Variants in CNTNAP1 observed in about 807,000 individuals in gnomAD.
CNTNAP1 encodes the protein contactin-associated protein 1.
Under a neutral mutation model 161.5 loss-of-function variants are expected in CNTNAP1, and 80 were observed. The observed-to-expected ratio is 0.50, with a 90% CI of 0.41 to 0.60. CNTNAP1 has a LOEUF of 0.60. CNTNAP1 is among the 20% of genes least tolerant of loss of function. The pLI is 0.00. For missense variants in CNTNAP1, 1,464 were observed against 1,854.8 expected (o/e 0.79, Z 3.87); for synonymous variants, 695 against 733.1 (o/e 0.95, Z 0.84).
Position 42,687,208 on chromosome 17 carries a change from A to G in CNTNAP1, c.1044+162A>G. 1 of 906,456 alleles carries G rather than the reference A, an allele frequency of 1.1e-6. No homozygotes were observed. The highest frequency in any genetic ancestry group is 1.6e-6 in the Non-Finnish European group (1 of 615,052). The allele number at this position is 906,456 out of a possible 1,614,324, so 56.2% of individuals were successfully genotyped here. On this transcript the variant is annotated intron_variant, in intron 7 of 23. Coordinates refer to ENST00000264638, the MANE Select transcript of CNTNAP1 (RefSeq NM_003632.3). The surrounding 1 kb of genome is among the most constrained non-coding windows in gnomAD (Gnocchi z 4.7). ...GGGGAGCGGGTCTCACCTGAGGTGC[A>G]TGAGCCACGCAGGCCCCTAGTTAAG...
At chr17:42,683,043 C>A in intron 1 of CNTNAP1, 147 bp downstream of exon 1, 1 of 772,862 alleles carries the variant, frequency 1.3e-6, no homozygotes, top group Non-Finnish European at 2.0e-6. Flanking sequence ...TGCCTCTCCC[C>A]CGCGCTCCGC....
chr17:42,683,935 G>A lies in CNTNAP1; in HGVS notation c.169+13G>A. On this transcript the variant is annotated intron_variant, in intron 2 of 23. Coordinates refer to ENST00000264638, the MANE Select transcript of CNTNAP1 (RefSeq NM_003632.3). ...GCCAGGCTGCACGGTGAGCTCCGCG[G>A]AACATCAGCTGCCAACTGGCAGCGC... 3.7e-6 allele frequency: 6 copies of A among 1,613,870 alleles called. No individual in the cohort carries two copies. Among genetic ancestry groups the A allele is most frequent in the Non-Finnish European group, 5.1e-6 (6 of 1,179,848 alleles).
chr17:42,693,443 C>T lies in CNTNAP1; in HGVS notation c.2899C>T (p.Pro967Ser), dbSNP rs1284472986. 1.2e-6 allele frequency: 2 copies of T among 1,614,216 alleles called. No homozygotes were observed. The highest frequency in any genetic ancestry group is 3.3e-5 in the Admixed American group (2 of 60,028). The part of the protein sequence containing the change: ...CTGHCAHPRL[P>S]CFHGGRCVER... ...AGGCCACTGTGCCCACCCTCGGCTC[C>T]CCTGTTTCCATGGAGGCCGCTGCGT... Residue 967 changes from proline (P) to serine (S), a missense_variant, in exon 18 of 24, where the codon CCC (proline) becomes TCC (serine). By Grantham distance (74) the Pro-to-Ser change is moderately conservative. Around this residue, in one of 3 missense-constraint regions of CNTNAP1, gnomAD observed 1,383 missense variants for 1,765.0 expected, o/e 0.78. Coordinates refer to ENST00000264638, the MANE Select transcript of CNTNAP1 (RefSeq NM_003632.3).
rs760573556 is a variant in CNTNAP1, at chr17:42,685,919, C to T, written c.716-38C>T. 6.2e-7 allele frequency: 1 copy of T among 1,605,834 alleles called. No individual in the cohort carries two copies. The highest frequency in any genetic ancestry group is 1.7e-5 in the Admixed American group (1 of 59,646). ...GGAGCTTGGACTCCATGGAGTTCTC[C>T]TGGCTTGAGGTTTCACTCTGTCCTG... On this transcript the variant is annotated intron_variant, in intron 5 of 23. Transcript: ENST00000264638. This position sits in a 1 kb window ranked among gnomAD's most constrained non-coding sequence, Gnocchi z 5.0.
intron 18 of CNTNAP1, among the ~76,000 whole-genome samples, chr17:42,694,404 G>A (rs547905361): frequency 2.6e-5 from 4 of 151,218 alleles, no homozygotes; most frequent in African/African-American, 4.9e-5. Context: ...ACTTCTGACC[G>A]CAGGTGATCC....
At chr17:42,686,832 C>A (rs918122537) in intron 6 of CNTNAP1, 71 bp from the exon 7 acceptor site, 3 of 1,497,582 alleles carry the variant, frequency 2.0e-6, no homozygotes, top group African/African-American at 2.8e-5. Flanking sequence ...GGAAAGCATA[C>A]GGCGGGGACG....
chr17:42,697,768 A>C lies in CNTNAP1; in HGVS notation c.3783A>C (p.Pro1261=), dbSNP rs1179672320. 1 of 1,614,142 alleles carries C rather than the reference A, an allele frequency of 6.2e-7. No homozygotes were observed. Among genetic ancestry groups the C allele is most frequent in the Admixed American group, 1.7e-5 (1 of 60,010 alleles). ...GAMPRLVSEV[P]PELDPWYLPP... is the part of the protein sequence containing the mutation. ...TGCCACGTCTTGTTTCAGAGGTGCC[A>C]CCTGAGCTTGATCCCTGGTATCTGC... The change falls in exon 22 of 24, where the codon CCA becomes CCC. Residue 1261 remains proline (P), a synonymous_variant. Transcript: ENST00000264638.
At chr17:42,693,873 T>C (rs2053122872) in intron 18 of CNTNAP1, among the ~76,000 whole-genome samples, 1 of 152,178 alleles carries the variant, frequency 6.6e-6, no homozygotes, top group South Asian at 2.1e-4. Context: ...AAAATTCTTT[T>C]TTTTTTTATG....
intron 21 of CNTNAP1, 60 bp downstream of exon 21, chr17:42,697,427 T>A (rs1159390561): frequency 6.2e-6 from 10 of 1,608,402 alleles, no homozygotes; most frequent in Non-Finnish European, 7.7e-6. Context: ...TCCTGGATCC[T>A]CAAGGAAAGT....
intron 17 of CNTNAP1, 145 bp downstream of exon 17, chr17:42,692,865 G>C (rs928986662): frequency 7.4e-6 from 5 of 679,694 alleles, no homozygotes; most frequent in African/African-American, 7.2e-5. Context: ...GTCCCTCCAG[G>C]CCTTTGTATC....
chr17:42,695,503 CCCTGCTTCTA>C lies in CNTNAP1; in HGVS notation c.2993-12_2993-3del, dbSNP rs2053139569. On this transcript the variant is annotated splice_region_variant and splice_polypyrimidine_tract_variant and intron_variant, in intron 18 of 23. Coordinates refer to ENST00000264638, the MANE Select transcript of CNTNAP1 (RefSeq NM_003632.3). ...GTGAGCAGTGTGGGGGCCCTAACCT[CCCTGCTTCTA>C]CCTGCAGATATTGGTGGTTTCTTTG... is the stretch of plus-strand genomic sequence containing the variant. 1 of 1,589,520 alleles carries C rather than the reference CCCTGCTTCTA, an allele frequency of 6.3e-7. No individual in the cohort carries two copies. The highest frequency in any genetic ancestry group is 8.6e-7 in the Non-Finnish European group (1 of 1,163,048).
Position 42,682,727 on chromosome 17 carries a change from G to T in CNTNAP1, c.-103G>T. 1 of 1,187,138 alleles carries T rather than the reference G, an allele frequency of 8.4e-7. No individual in the cohort carries two copies. The allele number at this position is 1,187,138 out of a possible 1,614,324, so 73.5% of individuals were successfully genotyped here. A position where few individuals can be genotyped will look rare whatever the true frequency, so the allele number is the denominator to read the frequency against. ...AAGGGTGGGTAAGGAGGAGAGAGCG[G>T]TCTGCTGCAAACCCCAGGAGGAGAG... On this transcript the variant is annotated 5_prime_UTR_variant, in exon 1 of 24. Transcript: ENST00000264638.
At chr17:42,689,396 C>G in intron 10 of CNTNAP1, 125 bp from the exon 11 acceptor site, 2 of 716,972 alleles carry the variant, frequency 2.8e-6, no homozygotes, top group Non-Finnish European at 4.7e-6. Context: ...ACCCGGCTGG[C>G]TAGGCGGGGT....
chr17:42,686,205 G>A, intron 6 of CNTNAP1, 64 bp downstream of exon 6: 1 of 1,517,702 alleles, frequency 6.6e-7, no homozygotes, highest in Non-Finnish European at 9.1e-7. Flanking sequence ...GTGCAGGTCG[G>A]TCTCTCCCTT....
intron 18 of CNTNAP1, 98 bp from the exon 19 acceptor site, chr17:42,695,423 C>G: frequency 4.1e-6 from 4 of 978,946 alleles, no homozygotes; most frequent in Non-Finnish European, 6.2e-6. Context: ...GTGGCAGAAA[C>G]TGAAGTAAGT....
Position 42,686,083 on chromosome 17 carries a change from G to T in CNTNAP1, c.842G>T (p.Gly281Val), listed in dbSNP as rs1294987054. 6.2e-7 allele frequency: 1 copy of T among 1,614,094 alleles called. No homozygotes were observed. The highest frequency in any genetic ancestry group is 8.5e-7 in the Non-Finnish European group (1 of 1,180,042). ...FGRDVNFTLD[G>V]YVQRFILNGD... Reference sequence around the variant, plus strand: ...CGCGATGTAAATTTCACCCTGGACGGCTATGTGCAGCGCTTTATTCTCAAT... The same window carrying T: ...CGCGATGTAAATTTCACCCTGGACGTCTATGTGCAGCGCTTTATTCTCAAT... The change falls in exon 6 of 24, where the codon GGC (glycine) becomes GTC (valine). Residue 281 changes from glycine (G) to valine (V), a missense_variant. Around this residue, in one of 3 missense-constraint regions of CNTNAP1, gnomAD observed 1,383 missense variants for 1,765.0 expected, o/e 0.78. Coordinates refer to ENST00000264638, the MANE Select transcript of CNTNAP1 (RefSeq NM_003632.3).
At position 42,687,795 on chromosome 17, in the gene CNTNAP1, G is replaced by T; in HGVS notation, c.1120G>T (p.Val374Leu). 1 of 1,614,232 alleles carries T rather than the reference G, an allele frequency of 6.2e-7. No homozygotes were observed. Among genetic ancestry groups the T allele is most frequent in the Admixed American group, 1.7e-5 (1 of 60,032 alleles). ...CGGAGGCCCTCACAACTTCGTTCAA[G>T]TGCCCGGTTTCCCACGCCGTGGCCG... Reference protein sequence around the residue: ...NFGGPHNFVQVPGFPRRGRLA... With the variant: ...NFGGPHNFVQLPGFPRRGRLA... The change falls in exon 8 of 24, where the codon GTG becomes TTG. Residue 374 changes from valine to leucine, a missense_variant. Transcript: ENST00000264638. This position sits in a 1 kb window ranked among gnomAD's most constrained non-coding sequence, Gnocchi z 4.7.
At chr17:42,688,305 ACATT>A (rs1361790027) in intron 8 of CNTNAP1, among the ~76,000 whole-genome samples, 153 bp from the exon 9 acceptor site, 2 of 151,974 alleles carry the variant, frequency 1.3e-5, no homozygotes, top group African/African-American at 4.8e-5. Flanking sequence ...TAATGAAGAG[ACATT>A]CAGAGAGGTC....
chr17:42,697,269 C>T lies in CNTNAP1; in HGVS notation c.3475-5C>T, dbSNP rs1597812384. On this transcript the variant is annotated splice_polypyrimidine_tract_variant and splice_region_variant and intron_variant, in intron 20 of 23. Coordinates refer to ENST00000264638, the MANE Select transcript of CNTNAP1 (RefSeq NM_003632.3). ...TCGCCCTCCCCCTCCCCCTCCCCACCTCAGGTGGACTACTTCCCACTGACA... is the reference window on the plus strand; with the variant it reads ...TCGCCCTCCCCCTCCCCCTCCCCACTTCAGGTGGACTACTTCCCACTGACA... 10 of 1,612,036 alleles carry T rather than the reference C, an allele frequency of 6.2e-6. No individual in the cohort carries two copies. The African/African-American group carries it at 6.7e-5, about 11-fold the overall frequency.
Sources: allele counts gnomAD v4.1 joint callset (sites outside exome capture counted in the v4.1 genomes callset), GRCh38; gene constraint gnomAD v4.1.1; regional missense constraint gnomAD v4.1.1; non-coding constraint Gnocchi (gnomAD v3.1); transcripts MANE v1.5; gene names NCBI Gene and HGNC (gene_info 2026-07-23, HGNC 2026-07-21).